CHST3: variants seen among roughly 807,000 people sequenced by gnomAD.
The protein encoded by CHST3 is C6ST-1.
Under a neutral mutation model 35.4 loss-of-function variants are expected in CHST3, and 20 were observed. The ratio of observed to expected loss-of-function variants is 0.57; its 90% CI spans 0.40 to 0.82. CHST3 has a LOEUF of 0.82. Among genes scored for constraint, CHST3 ranks in the 40% least tolerant of loss-of-function variants. The probability of loss-of-function intolerance (pLI) is 0.00; values close to 1 mark genes in which losing one functional copy is unlikely to be tolerated. For missense variants in CHST3, 693 were observed against 670.1 expected (o/e 1.03, Z -0.38); for synonymous variants, 334 against 295.9 (o/e 1.13, Z -1.32).
In CHST3 at chr10:72,007,681, A is replaced by G; in HGVS notation, c.650A>G (p.Gln217Arg). The change falls in exon 3 of 3, where the codon CAG becomes CGG. Residue 217 changes from glutamine (Q) to arginine (R), a missense_variant. Gln to Arg is a conservative substitution (Grantham distance 43, BLOSUM62 1). Coordinates refer to ENST00000373115, the MANE Select transcript of CHST3 (RefSeq NM_004273.5). ...ITPLPEDHLT[Q>R]FMFRRGSSRS... is the part of the protein sequence containing the mutation. ...CCGCTGCCCGAGGACCACCTGACTC[A>G]GTTCATGTTCCGCCGGGGCTCCAGC... 9 of 1,608,828 alleles carry G rather than the reference A, an allele frequency of 5.6e-6. No individual in the cohort carries two copies. Among genetic ancestry groups the G allele is most frequent in the Non-Finnish European group, 7.6e-6 (9 of 1,179,598 alleles).
chr10:71,991,858 C>T (rs530343637), intron 1 of CHST3, among the ~76,000 whole-genome samples: 68 of 151,828 alleles, frequency 4.5e-4, no homozygotes, highest in African/African-American at 1.6e-3. Flanking sequence ...CGCTGGAACC[C>T]GGGCGGCAGA....
intron 1 of CHST3, among the ~76,000 whole-genome samples, chr10:71,971,752 G>A (rs1020561231): frequency 7.2e-5 from 11 of 152,246 alleles, no homozygotes; most frequent in African/African-American, 2.7e-4. Context: ...AGGGCCGCAG[G>A]TGCCTGGCTT....
intron 1 of CHST3, among the ~76,000 whole-genome samples, chr10:71,982,960 C>G (rs1839814963): frequency 6.6e-6 from 1 of 152,200 alleles, no homozygotes; most frequent in Non-Finnish European, 1.5e-5. Context: ...CCCACCACAC[C>G]TCACCACACT....
At position 72,005,301 on chromosome 10, in the gene CHST3, C is replaced by CTG. The variant is rs71018245; in HGVS notation, c.-107-415_-107-414dup. Among the ~76,000 whole-genome samples, 312 of 140,170 alleles carry CTG rather than the reference C, an allele frequency of 2.2e-3. 1 individual carries two copies. Among genetic ancestry groups the CTG allele is most frequent in the East Asian group, 7.2e-3 (36 of 5,000 alleles). 92.0% of individuals were successfully genotyped at this position (140,170 alleles called of 152,430 possible). ...TGCACCTTTGTGTGTGTGTGTGTGTCTGTGTGTGTGTGTGTGTGTGTTCTC... is the reference window on the plus strand; with the variant it reads ...TGCACCTTTGTGTGTGTGTGTGTGTCTGTGTGTGTGTGTGTGTGTGTGTTCTC... On this transcript the variant is annotated intron_variant, in intron 1 of 2. Coordinates refer to ENST00000373115, the MANE Select transcript of CHST3 (RefSeq NM_004273.5).
intron 1 of CHST3, among the ~76,000 whole-genome samples, chr10:71,983,954 G>A (rs371366838): frequency 6.6e-6 from 1 of 152,158 alleles, no homozygotes; most frequent in Admixed American, 6.5e-5. Flanking sequence ...TACATAGGGC[G>A]TACCCAAAAT....
intron 1 of CHST3, among the ~76,000 whole-genome samples, chr10:71,970,821 A>G (rs1432378932): frequency 3.9e-5 from 6 of 152,324 alleles, no homozygotes; most frequent in South Asian, 2.1e-4. Flanking sequence ...GACCAAAGCT[A>G]ATTTTCCCGT....
At chr10:71,987,126 G>T (rs1839854016) in intron 1 of CHST3, among the ~76,000 whole-genome samples, 1 of 151,532 alleles carries the variant, frequency 6.6e-6, no homozygotes, top group South Asian at 2.1e-4. Context: ...TGTGGCCATA[G>T]ATCAGTCAGA....
At chr10:71,968,024 G>A (rs1042378824) in intron 1 of CHST3, among the ~76,000 whole-genome samples, 4 of 146,828 alleles carry the variant, frequency 2.7e-5, no homozygotes, top group African/African-American at 7.5e-5. Flanking sequence ...CACCATGTTG[G>A]CCAGAATGGT....
intron 1 of CHST3, among the ~76,000 whole-genome samples, chr10:71,990,632 G>T (rs896881191): frequency 1.2e-4 from 19 of 152,220 alleles, no homozygotes; most frequent in African/African-American, 4.3e-4. Context: ...CAAAGTGCTG[G>T]AATTACAGGC....
At position 72,007,135 on chromosome 10, in the gene CHST3, A is replaced by C. The variant is rs757061413; in HGVS notation, c.141-37A>C. The C allele has an allele frequency of 3.1e-6, 5 of 1,609,678 alleles. 1 individual carries two copies. In the South Asian group the frequency reaches 5.5e-5, roughly 18 times the overall value. On this transcript the variant is annotated intron_variant, in intron 2 of 2. Coordinates refer to ENST00000373115, the MANE Select transcript of CHST3 (RefSeq NM_004273.5). ...GGGTTGCCCAGGAGACGGGGTCCCC[A>C]GTCAGCCACTGACCCTGATCTTCTT...
intron 1 of CHST3, among the ~76,000 whole-genome samples, chr10:71,976,527 A>C (rs1197307284): frequency 6.6e-6 from 1 of 152,172 alleles, no homozygotes; most frequent in Non-Finnish European, 1.5e-5. Context: ...CCCCAGTCTC[A>C]TCAGGCTTCA....
chr10:71,987,770 G>A (rs533885112), intron 1 of CHST3, among the ~76,000 whole-genome samples: 1 of 150,842 alleles, frequency 6.6e-6, no homozygotes, highest in Admixed American at 6.6e-5. Flanking sequence ...AAGAAAACAG[G>A]GAGCAGAAGA....
chr10:72,001,260 C>A (rs1461287318), intron 1 of CHST3, among the ~76,000 whole-genome samples: 1 of 152,178 alleles, frequency 6.6e-6, no homozygotes, highest in Non-Finnish European at 1.5e-5. Flanking sequence ...TGTCAATATG[C>A]AGAGTGCTGG....
intron 1 of CHST3, among the ~76,000 whole-genome samples, chr10:71,974,438 C>T (rs1019847811): frequency 6.6e-6 from 1 of 152,146 alleles, no homozygotes; most frequent in Non-Finnish European, 1.5e-5. Flanking sequence ...CTTGAGTCTT[C>T]CCTCAAAGTG....
In CHST3 at chr10:72,008,508, GC is replaced by G. The variant is rs1308133222; in HGVS notation, c.*39del. 6.8e-7 allele frequency: 1 copy of G among 1,471,004 alleles called. No homozygotes were observed. The highest frequency in any genetic ancestry group is 2.6e-5 in the Admixed American group (1 of 38,720). 91.1% of individuals were successfully genotyped at this position (1,471,004 alleles called of 1,614,324 possible). A position where few individuals can be genotyped will look rare whatever the true frequency, so the allele number is the denominator to read the frequency against. Reference sequence around the variant, plus strand: ...CCCCGTATGCCCCTCCTCGTGAAAGGCCTGCCCCGTCTTTCTGCCGCAGCCC... The same window carrying G: ...CCCCGTATGCCCCTCCTCGTGAAAGGCTGCCCCGTCTTTCTGCCGCAGCCC... On this transcript the variant is annotated 3_prime_UTR_variant, in exon 3 of 3. Transcript: ENST00000373115.
chr10:71,981,551 C>G lies in CHST3; in HGVS notation c.-108+16857C>G, dbSNP rs374691995. ...GAGGAGGAGAAAGGACTCCAGCCCC[C>G]CCAGGCAGCCATTTCTGGGTGTGAG... is the stretch of plus-strand genomic sequence containing the variant. On this transcript the variant is annotated intron_variant, in intron 1 of 2. Coordinates refer to ENST00000373115, the MANE Select transcript of CHST3 (RefSeq NM_004273.5). 2.4e-4 allele frequency among the ~76,000 whole-genome samples: 37 copies of G among 152,346 alleles called. No individual in the cohort carries two copies. The East Asian group carries it at 4.4e-3, about 18-fold the overall frequency.
At chr10:72,000,090 G>A (rs1206251716) in intron 1 of CHST3, among the ~76,000 whole-genome samples, 1 of 152,154 alleles carries the variant, frequency 6.6e-6, no homozygotes, top group South Asian at 2.1e-4. Context: ...ATGCACCTGT[G>A]GCCCACACGC....
chr10:72,001,833 G>A (rs538994453), intron 1 of CHST3, among the ~76,000 whole-genome samples: 3 of 152,228 alleles, frequency 2.0e-5, no homozygotes, highest in South Asian at 4.1e-4. Context: ...GAGATTTTTC[G>A]GTTCTACCCA....
chr10:71,979,322 G>T (rs942662194), intron 1 of CHST3, among the ~76,000 whole-genome samples: 1 of 152,186 alleles, frequency 6.6e-6, no homozygotes, highest in Non-Finnish European at 1.5e-5. Flanking sequence ...AGGCTCTTGT[G>T]AGAATTGGAG....
Sources: gnomAD v4.1 joint callset for allele counts (sites outside exome capture counted in the v4.1 genomes callset) on GRCh38, gnomAD v4.1.1 for gene constraint, MANE v1.5 for transcripts, NCBI Gene and HGNC (gene_info 2026-07-23, HGNC 2026-07-21) for gene names.